The following LINGO1 variants were observed in gnomAD, a reference collection of about 807,000 sequenced individuals.
The protein encoded by LINGO1 is leucine rich repeat and Ig domain containing 1.
A neutral mutation model predicts 37.3 loss-of-function variants in LINGO1; 11 were observed. That is an observed-to-expected ratio of 0.29 (90% confidence interval 0.19 to 0.49). LINGO1 has a LOEUF of 0.49. LINGO1 is among the 20% of genes least tolerant of loss of function. The pLI, the probability that LINGO1 is intolerant of heterozygous loss-of-function variation, is 0.99. For synonymous variants in LINGO1, 387 were observed against 403.0 expected, an observed-to-expected ratio of 0.96 and a Z score of 0.48; for missense variants, 585 against 878.2, an observed-to-expected ratio of 0.67 and a Z score of 4.22.
At position 77,776,312 on chromosome 15, in the gene LINGO1, G is replaced by A. The variant is rs539891457; in HGVS notation, c.-257+10557C>T. Among the ~76,000 whole-genome samples the A allele has an allele frequency of 2.0e-4, 31 of 152,198 alleles. No individual in the cohort carries two copies. In the South Asian group the frequency reaches 4.6e-3, roughly 22 times the overall value. On this transcript the variant is annotated intron_variant, in intron 1 of 3. Transcript: ENST00000561686. The stretch of plus-strand genomic sequence containing the variant: ...TTAAGGCATCACTCTGACTGCCCTG[G>A]CCACCCTCCCTGCCATGCCCAGGGC...
intron 3 of LINGO1, among the ~76,000 whole-genome samples, chr15:77,647,074 C>A (rs929390496): frequency 9.0e-6 from 1 of 111,192 alleles, no homozygotes; most frequent in Admixed American, 1.0e-4. Flanking sequence ...TATGGAGGTG[C>A]GGGAGGGCTC....
At chr15:77,763,715 T>C (rs1040607867) in intron 1 of LINGO1, among the ~76,000 whole-genome samples, 3 of 152,132 alleles carry the variant, frequency 2.0e-5, no homozygotes, top group African/African-American at 7.2e-5. Flanking sequence ...CATCATGCCC[T>C]TTCTATCCAG....
chr15:77,731,850 T>A (rs1322269044), intron 2 of LINGO1, among the ~76,000 whole-genome samples: 1 of 152,108 alleles, frequency 6.6e-6, no homozygotes, highest in African/African-American at 2.4e-5. Flanking sequence ...TCCAGCACTA[T>A]CCCTGGCAGC....
chr15:77,722,775 G>T (rs1211856615), intron 2 of LINGO1, among the ~76,000 whole-genome samples: 1 of 152,136 alleles, frequency 6.6e-6, no homozygotes, highest in African/African-American at 2.4e-5. Flanking sequence ...AGGAAAGAGG[G>T]CTGGTCATAA....
Position 77,741,183 on chromosome 15 carries a change from G to A in LINGO1, c.-256-6130C>T, listed in dbSNP as rs80064788. ...TGGGCTGGGGAAGGCACTCTCAGCA[G>A]GGGACACCCTGCAAAAAGCCCCAGA... On this transcript the variant is annotated intron_variant, in intron 1 of 3. Transcript: ENST00000561686. 3.6e-3 allele frequency among the ~76,000 whole-genome samples: 545 copies of A among 152,322 alleles called. 5 individuals carry two copies. Among genetic ancestry groups the A allele is most frequent in the African/African-American group, 0.012 (511 of 41,576 alleles).
At chr15:77,656,208 A>G (rs958930379) in intron 3 of LINGO1, among the ~76,000 whole-genome samples, 7 of 152,192 alleles carry the variant, frequency 4.6e-5, no homozygotes, top group Admixed American at 2.0e-4. Flanking sequence ...AACGAATCAG[A>G]GAGAACTCCA....
At position 77,722,430 on chromosome 15, in the gene LINGO1, A is replaced by G. The variant is rs1040784822; in HGVS notation, c.-195+12562T>C. 4.6e-5 allele frequency among the ~76,000 whole-genome samples: 7 copies of G among 152,340 alleles called. No homozygotes were observed. In the East Asian group the frequency reaches 1.2e-3, roughly 25 times the overall value. ...CTGCCTGGCAGAGGAAAGAGGAATG[A>G]GCACTGGCTTTAGAGTCAAGTGGCC... On this transcript the variant is annotated intron_variant, in intron 2 of 3. Coordinates refer to the LINGO1 transcript ENST00000561686.
chr15:77,713,366 C>T (rs1379543313), intron 2 of LINGO1, among the ~76,000 whole-genome samples: 3 of 151,958 alleles, frequency 2.0e-5, no homozygotes, highest in Middle Eastern at 3.2e-3. Context: ...GCGTGAGCCA[C>T]TGTGCCCAGC....
chr15:77,725,649 G>A (rs188326116), intron 2 of LINGO1, among the ~76,000 whole-genome samples: 11 of 152,316 alleles, frequency 7.2e-5, no homozygotes, highest in Non-Finnish European at 1.6e-4. Context: ...TTTGCAGATG[G>A]AGAAACAGAG....
intron 2 of LINGO1, among the ~76,000 whole-genome samples, chr15:77,713,696 CAGTG>C (rs2075949114): frequency 6.6e-6 from 1 of 152,126 alleles, no homozygotes; most frequent in African/African-American, 2.4e-5. Flanking sequence ...GTGCCAACGT[CAGTG>C]ACCTGTCTCT....
At chr15:77,740,896 G>T (rs898979984) in intron 1 of LINGO1, among the ~76,000 whole-genome samples, 1 of 152,190 alleles carries the variant, frequency 6.6e-6, no homozygotes, top group African/African-American at 2.4e-5. Context: ...CGAGCTATGC[G>T]GCCCGGCAAC....
intron 1 of LINGO1, among the ~76,000 whole-genome samples, chr15:77,774,483 C>T (rs771849359): frequency 2.0e-5 from 3 of 152,158 alleles, no homozygotes; most frequent in Non-Finnish European, 4.4e-5. Flanking sequence ...TCCAACCCCG[C>T]CGGGAACCCC....
rs981271343 is a variant in LINGO1, at chr15:77,717,147, C to T, written c.-195+17845G>A. 1.1e-4 allele frequency among the ~76,000 whole-genome samples: 16 copies of T among 150,568 alleles called. 1 individual carries two copies. The South Asian group carries it at 1.7e-3, about 16-fold the overall frequency. On this transcript the variant is annotated intron_variant, in intron 2 of 3. Transcript: ENST00000561686. ...TGCCACCCAGAGGAGTGCAGCAAGG[C>T]GGGGGTTAACTCTCTGCCGTGGAGC... is the stretch of plus-strand genomic sequence containing the variant.
At chr15:77,702,249 C>T (rs2075793569) in intron 2 of LINGO1, among the ~76,000 whole-genome samples, 1 of 152,170 alleles carries the variant, frequency 6.6e-6, no homozygotes. Flanking sequence ...CTCTCTGGTT[C>T]CTAGTCATCC....
intron 2 of LINGO1, among the ~76,000 whole-genome samples, chr15:77,688,816 G>A (rs2075555704): frequency 6.6e-6 from 1 of 152,250 alleles, no homozygotes; most frequent in South Asian, 2.1e-4. Flanking sequence ...TTAAGCAACT[G>A]CAAGCCACAG....
At chr15:77,748,025 C>T (rs774092500) in intron 1 of LINGO1, among the ~76,000 whole-genome samples, 1 of 152,220 alleles carries the variant, frequency 6.6e-6, no homozygotes, top group Non-Finnish European at 1.5e-5. Flanking sequence ...GATTTGAACC[C>T]CGGTGCGACA....
At position 77,724,342 on chromosome 15, in the gene LINGO1, G is replaced by A. The variant is rs568592978; in HGVS notation, c.-195+10650C>T. ...GAATTGGGCAGGGAGGGTGGCGTGA[G>A]CCAGGCCAGGAGATGATTTTGGCTA... On this transcript the variant is annotated intron_variant, in intron 2 of 3. Coordinates refer to the LINGO1 transcript ENST00000561686. 1.3e-4 allele frequency among the ~76,000 whole-genome samples: 20 copies of A among 152,346 alleles called. No homozygotes were observed. In the South Asian group the frequency reaches 3.7e-3, roughly 28 times the overall value.
intron 1 of LINGO1, among the ~76,000 whole-genome samples, chr15:77,786,322 G>A (rs200843490): frequency 6.6e-6 from 1 of 152,156 alleles, no homozygotes; most frequent in African/African-American, 2.4e-5. Flanking sequence ...TGGCAGGGCT[G>A]GGACTTGAAT....
chr15:77,694,935 T>C (rs576317058), intron 1 of LINGO1, among the ~76,000 whole-genome samples: 15 of 152,108 alleles, frequency 9.9e-5, no homozygotes, highest in Non-Finnish European at 2.2e-4. Flanking sequence ...GGGCCTGGGA[T>C]TGCCAGGTGG....
Sources: gnomAD v4.1 joint callset for allele counts (sites outside exome capture counted in the v4.1 genomes callset) on GRCh38, gnomAD v4.1.1 for gene constraint, MANE v1.5 for transcripts, NCBI Gene and HGNC (gene_info 2026-07-23, HGNC 2026-07-21) for gene names.